HDX: variants seen among roughly 807,000 people sequenced by gnomAD.
The protein encoded by HDX is chromosome X open reading frame 43.
HDX carries 19 observed loss-of-function variants against 45.2 expected under a neutral mutation model. The observed-to-expected ratio is 0.42, with a 90% CI of 0.29 to 0.62. The LOEUF (loss-of-function observed/expected upper bound fraction) is 0.62. Ranked by LOEUF, HDX falls within the 20% of genes least tolerant of loss-of-function variation. The probability of loss-of-function intolerance (pLI) is 0.20; values close to 1 mark genes in which losing one functional copy is unlikely to be tolerated. For missense variants in HDX, 532 were observed against 493.9 expected, an observed-to-expected ratio of 1.08 and a Z score of -0.73; for synonymous variants, 188 against 172.8, an observed-to-expected ratio of 1.09 and a Z score of -0.69.
intron 5 of HDX, among the ~76,000 whole-genome samples, chrX:84,420,127 C>T (rs2039215441): frequency 1.8e-5 from 2 of 111,852 alleles, no homozygotes; most frequent in Non-Finnish European, 3.8e-5. Context: ...ACCCAGGAAA[C>T]ATAACCTTAA....
At chrX:84,501,739 A>G (rs891247594) in intron 1 of HDX, among the ~76,000 whole-genome samples, 6 of 111,844 alleles carry the variant, frequency 5.4e-5, no homozygotes, top group African/African-American at 1.9e-4. Flanking sequence ...CTCCCCATCA[A>G]CTGGTGCTTG....
intron 9 of HDX, among the ~76,000 whole-genome samples, chrX:84,327,376 C>T (rs2036736330): frequency 1.8e-5 from 2 of 111,109 alleles, no homozygotes; most frequent in Non-Finnish European, 3.8e-5. Context: ...TGAAAGTGCT[C>T]TGAATAGATT....
chrX:84,422,035 A>C (rs1162337616), intron 5 of HDX, among the ~76,000 whole-genome samples: 1 of 110,579 alleles, frequency 9.0e-6, no homozygotes, highest in Non-Finnish European at 1.9e-5. Context: ...AAAAGACATA[A>C]TCTTCAGTGT....
intron 4 of HDX, among the ~76,000 whole-genome samples, chrX:84,441,395 C>G (rs1333118213): frequency 9.0e-6 from 1 of 111,663 alleles, no homozygotes; most frequent in East Asian, 2.8e-4. Flanking sequence ...TAATACAAAT[C>G]TTAGACCTAC....
chrX:84,350,050 C>T (rs2037305054), intron 6 of HDX, among the ~76,000 whole-genome samples: 1 of 110,582 alleles, frequency 9.0e-6, no homozygotes, highest in South Asian at 3.8e-4. Flanking sequence ...TGCACTTATA[C>T]CCCAAAACCT....
intron 5 of HDX, among the ~76,000 whole-genome samples, chrX:84,418,080 T>A (rs2039156776): frequency 8.9e-6 from 1 of 111,802 alleles, no homozygotes; most frequent in Non-Finnish European, 1.9e-5. Flanking sequence ...ATTCTGAATC[T>A]CTAGCTAGGT....
chrX:84,493,007 G>A (rs947745285), intron 1 of HDX, among the ~76,000 whole-genome samples: 3 of 109,391 alleles, frequency 2.7e-5, no homozygotes, highest in Non-Finnish European at 5.7e-5. Flanking sequence ...CCACCTCCTG[G>A]ATTCAAGCAA....
At chrX:84,448,819 G>A (rs1405066267) in intron 4 of HDX, among the ~76,000 whole-genome samples, 1 of 109,574 alleles carries the variant, frequency 9.1e-6, no homozygotes, top group Admixed American at 9.7e-5. Context: ...ATGAAAACCA[G>A]AAAAAATAAT....
chrX:84,479,591 G>A (rs1166286225), intron 2 of HDX, among the ~76,000 whole-genome samples: 1 of 111,663 alleles, frequency 9.0e-6, no homozygotes. Flanking sequence ...TTTCTGGGTC[G>A]TATGGTAAGT....
chrX:84,399,250 C>A (rs1440172673), intron 5 of HDX, among the ~76,000 whole-genome samples: 1 of 105,805 alleles, frequency 9.5e-6, no homozygotes, highest in Non-Finnish European at 2.0e-5. Flanking sequence ...AGACACAAAC[C>A]CCCCCCCAAA....
At chrX:84,349,407 G>A (rs375993405) in intron 6 of HDX, among the ~76,000 whole-genome samples, 79 of 41,464 alleles carry the variant, frequency 1.9e-3, no homozygotes, top group East Asian at 0.019. Context: ...ATATATATGT[G>A]TGTGTGTGTG....
At chrX:84,393,724 AT>A in intron 5 of HDX, among the ~76,000 whole-genome samples, 1 of 108,681 alleles carries the variant, frequency 9.2e-6, no homozygotes, top group East Asian at 2.9e-4. Context: ...CAGGTTTTCC[AT>A]TTTTTTCTAA....
intron 5 of HDX, among the ~76,000 whole-genome samples, chrX:84,364,738 C>T (rs1479525714): frequency 1.8e-5 from 2 of 109,580 alleles, no homozygotes; most frequent in African/African-American, 6.6e-5. Flanking sequence ...ATTTTATACC[C>T]GTGGAACAGC....
intron 6 of HDX, among the ~76,000 whole-genome samples, chrX:84,356,767 C>A (rs1483575046): frequency 1.8e-5 from 2 of 109,155 alleles, no homozygotes; most frequent in South Asian, 4.1e-4. Context: ...GGACTATAGG[C>A]GCCCGCCACC....
chrX:84,435,254 T>C (rs1486632242), intron 5 of HDX, among the ~76,000 whole-genome samples: 1 of 111,863 alleles, frequency 8.9e-6, no homozygotes, highest in African/African-American at 3.2e-5. Flanking sequence ...CTTGCCATTC[T>C]AACTGGTGTG....
intron 5 of HDX, among the ~76,000 whole-genome samples, chrX:84,372,955 C>T (rs1840789011): frequency 9.0e-6 from 1 of 111,686 alleles, no homozygotes; most frequent in Admixed American, 9.5e-5. Context: ...ATAAAATACT[C>T]ATAGTTTTAA....
At chrX:84,441,278 T>A (rs898652847) in intron 4 of HDX, among the ~76,000 whole-genome samples, 2 of 111,661 alleles carry the variant, frequency 1.8e-5, no homozygotes, top group African/African-American at 6.5e-5. Context: ...AAGCAAGAGA[T>A]GACTTCATAA....
intron 5 of HDX, among the ~76,000 whole-genome samples, chrX:84,430,805 G>A (rs1383782773): frequency 9.4e-6 from 1 of 106,575 alleles, no homozygotes; most frequent in East Asian, 2.9e-4. Context: ...TATACTTGTT[G>A]ATGATTTCTT....
intron 5 of HDX, among the ~76,000 whole-genome samples, chrX:84,414,193 T>C (rs1880710415): frequency 8.9e-6 from 1 of 111,868 alleles, no homozygotes; most frequent in Non-Finnish European, 1.9e-5. Flanking sequence ...TTTGTCATAA[T>C]CACCTGAGAT....
Sources: allele counts gnomAD v4.1 joint callset (sites outside exome capture counted in the v4.1 genomes callset), GRCh38; gene constraint gnomAD v4.1.1; transcripts MANE v1.5; gene names NCBI Gene and HGNC (gene_info 2026-07-23, HGNC 2026-07-21).